The following EXT1 variants were observed in gnomAD, a reference collection of about 807,000 sequenced individuals.
EXT1 encodes exostosin glycosyltransferase 1.
A neutral mutation model predicts 82.5 loss-of-function variants in EXT1; 20 were observed. That is an observed-to-expected ratio of 0.24 (90% confidence interval 0.17 to 0.35). EXT1 has a LOEUF of 0.35. Among genes scored for constraint, EXT1 ranks in the 10% least tolerant of loss-of-function variants. The pLI is 1.00. For synonymous variants in EXT1, 348 were observed against 350.8 expected (o/e 0.99, Z 0.09); for missense variants, 757 against 936.5 (o/e 0.81, Z 2.50).
Position 117,818,507 on chromosome 8 carries a change from G to C in EXT1, c.1560C>G (p.Asp520Glu). ...CAQIIVLWNC[D>E]KPLPAKHRWP... ...AGCGGTGTTTGGCTGGTAGGGGCTTGTCACAATTCCATAGAACTATGATCT... is the reference window on the plus strand; with the variant it reads ...AGCGGTGTTTGGCTGGTAGGGGCTTCTCACAATTCCATAGAACTATGATCT... Residue 520 changes from aspartate (D) to glutamate (E), a missense_variant, in exon 7 of 11, where the codon GAC becomes GAG. Physicochemically the swap from Asp to Glu is conservative, Grantham distance 45 (BLOSUM62 2). This residue lies in a region of EXT1 where 207 missense variants were observed against 224.2 expected (regional missense o/e 0.92). Transcript: ENST00000378204. 6.2e-7 allele frequency: 1 copy of C among 1,614,040 alleles called. No homozygotes were observed. Among genetic ancestry groups the C allele is most frequent in the South Asian group, 1.1e-5 (1 of 91,078 alleles).
intron 1 of EXT1, among the ~76,000 whole-genome samples, chr8:118,091,912 G>A (rs1052393198): frequency 2.6e-5 from 4 of 152,012 alleles, no homozygotes; most frequent in African/African-American, 9.7e-5. Flanking sequence ...AGGCCACCAT[G>A]ACCAAAAGCC....
At chr8:117,985,650 C>CA (rs1334377034) in intron 1 of EXT1, among the ~76,000 whole-genome samples, 4 of 149,976 alleles carry the variant, frequency 2.7e-5, no homozygotes. Flanking sequence ...GAAACCTCAA[C>CA]AAAAAAGCTT....
intron 1 of EXT1, among the ~76,000 whole-genome samples, chr8:118,031,479 C>T (rs891774674): frequency 6.6e-6 from 1 of 150,948 alleles, no homozygotes; most frequent in Non-Finnish European, 1.5e-5. Flanking sequence ...GAGCTGAGAT[C>T]GAGTCATTGT....
chr8:118,040,456 A>C (rs977921831), intron 1 of EXT1, among the ~76,000 whole-genome samples: 3 of 152,164 alleles, frequency 2.0e-5, no homozygotes, highest in Admixed American at 6.5e-5. Flanking sequence ...GCTTCCATAA[A>C]TTGGATAGCA....
rs1200134632 is a variant in EXT1, at chr8:118,085,556, G to A, written c.962+24529C>T. On this transcript the variant is annotated intron_variant, in intron 1 of 10. Coordinates refer to ENST00000378204, the MANE Select transcript of EXT1 (RefSeq NM_000127.3). ...ATACTATATTCAGAGCCTACTGAAA[G>A]ACAATGCCATTTTTACAGTAGAAGT... Among the ~76,000 whole-genome samples the A allele has an allele frequency of 2.7e-5, 4 of 146,880 alleles. 1 individual carries two copies. The highest frequency in any genetic ancestry group is 7.6e-5 in the African/African-American group (3 of 39,588).
chr8:118,066,169 CGCAAGACA>C, intron 1 of EXT1, among the ~76,000 whole-genome samples: 1 of 152,224 alleles, frequency 6.6e-6, no homozygotes, highest in African/African-American at 2.4e-5. Flanking sequence ...ATCTGTCACC[CGCAAGACA>C]GCAAGACTAA....
rs147748220 is a variant in EXT1 at position 118,044,701 on chromosome 8, G to A, written c.962+65384C>T. ...GGATTACAGGTGTGAGCCACCGTGC[G>A]CGGCTGATTTTATTTTTTATAGAGA... On this transcript the variant is annotated intron_variant, in intron 1 of 10. Coordinates refer to ENST00000378204, the MANE Select transcript of EXT1 (RefSeq NM_000127.3). Among the ~76,000 whole-genome samples the A allele has an allele frequency of 1.1e-4, 17 of 152,028 alleles. 1 individual carries two copies. In the East Asian group the frequency reaches 1.2e-3, roughly 10 times the overall value.
chr8:117,985,068 C>G (rs980676820), intron 1 of EXT1, among the ~76,000 whole-genome samples: 1 of 152,152 alleles, frequency 6.6e-6, no homozygotes, highest in African/African-American at 2.4e-5. Flanking sequence ...GAGTTGCCCA[C>G]CTGCCTGGCT....
intron 7 of EXT1, among the ~76,000 whole-genome samples, chr8:117,817,310 C>T (rs889455727): frequency 1.3e-5 from 2 of 152,242 alleles, no homozygotes; most frequent in South Asian, 2.1e-4. Context: ...GAAATTGCCA[C>T]TTTTGGTGAG....
At chr8:118,097,042 C>T (rs7015744) in intron 1 of EXT1, among the ~76,000 whole-genome samples, 3,001 of 152,144 alleles carry the variant, frequency 0.02, 96 homozygotes, top group African/African-American at 0.068. Flanking sequence ...AGCTCAATGT[C>T]ATTTTCCCAA....
intron 1 of EXT1, among the ~76,000 whole-genome samples, chr8:117,874,294 A>C (rs984811416): frequency 2.0e-5 from 3 of 152,138 alleles, no homozygotes. Flanking sequence ...TAAAGGGAAC[A>C]ATCCTGGCCG....
At chr8:118,007,124 C>T (rs1171334820) in intron 1 of EXT1, among the ~76,000 whole-genome samples, 4 of 152,060 alleles carry the variant, frequency 2.6e-5, no homozygotes, top group African/African-American at 7.2e-5. Context: ...GGTGAAACCC[C>T]GTTTCTACTA....
chr8:118,026,667 C>A (rs564055665), intron 1 of EXT1, among the ~76,000 whole-genome samples: 1 of 152,100 alleles, frequency 6.6e-6, no homozygotes, highest in African/African-American at 2.4e-5. Flanking sequence ...CTGCTATAGT[C>A]AAATCAAGCC....
intron 1 of EXT1, among the ~76,000 whole-genome samples, chr8:117,954,610 T>C (rs1441945714): frequency 6.6e-6 from 1 of 152,222 alleles, no homozygotes; most frequent in Non-Finnish European, 1.5e-5. Context: ...ATTTGGAGTC[T>C]TATTTGTAAT....
chr8:117,813,065 T>A, intron 7 of EXT1, 104 bp from the exon 8 acceptor site: 1 of 870,506 alleles, frequency 1.1e-6, no homozygotes, highest in Non-Finnish European at 1.9e-6. Context: ...GCATAAAGAA[T>A]GCGCTACTAT....
At chr8:118,015,839 A>C (rs943294282) in intron 1 of EXT1, among the ~76,000 whole-genome samples, 3 of 152,208 alleles carry the variant, frequency 2.0e-5, no homozygotes, top group African/African-American at 7.2e-5. Flanking sequence ...CTTATAAAAA[A>C]AGGAAAGAGA....
chr8:117,868,243 C>T (rs751224798), intron 1 of EXT1, among the ~76,000 whole-genome samples: 4 of 152,220 alleles, frequency 2.6e-5, no homozygotes, highest in Non-Finnish European at 5.9e-5. Flanking sequence ...TTGCTATCCT[C>T]CTTTCCCTCA....
At chr8:117,822,725 T>G in intron 4 of EXT1, 128 bp from the exon 5 acceptor site, 1 of 962,760 alleles carries the variant, frequency 1.0e-6, no homozygotes, top group South Asian at 1.4e-5. Context: ...CCCACTTTAA[T>G]TCTCCGGATA....
chr8:117,894,402 T>A (rs943337674), intron 1 of EXT1, among the ~76,000 whole-genome samples: 3 of 152,160 alleles, frequency 2.0e-5, no homozygotes, highest in Non-Finnish European at 2.9e-5. Context: ...TGTATGAGGC[T>A]GGTGTTTGGG....
Sources: allele counts gnomAD v4.1 joint callset (sites outside exome capture counted in the v4.1 genomes callset), GRCh38; gene constraint gnomAD v4.1.1; regional missense constraint gnomAD v4.1.1; transcripts MANE v1.5; gene names NCBI Gene and HGNC (gene_info 2026-07-23, HGNC 2026-07-21).